Variants in CPQ observed in about 807,000 individuals in gnomAD.
CPQ encodes the protein carboxypeptidase Q, also known as Ser-Met dipeptidase.
A neutral mutation model predicts 45.7 loss-of-function variants in CPQ; 37 were observed. The ratio of observed to expected loss-of-function variants is 0.81; its 90% CI spans 0.62 to 1.07. The LOEUF is 1.07. CPQ is among the 50% of genes least tolerant of loss of function. The probability of loss-of-function intolerance (pLI) is 0.00; values close to 1 mark genes in which losing one functional copy is unlikely to be tolerated. For synonymous variants in CPQ, 186 were observed against 205.8 expected (o/e 0.90, Z 0.82); for missense variants, 537 against 572.9 (o/e 0.94, Z 0.64).
At chr8:96,645,743 C>G (rs1390138890) in intron 1 of CPQ, among the ~76,000 whole-genome samples, 1 of 151,954 alleles carries the variant, frequency 6.6e-6, no homozygotes, top group Non-Finnish European at 1.5e-5. Context: ...CTCCAGGGCT[C>G]AGCCCCAAGC....
chr8:96,720,619 C>T (rs56190969), intron 1 of CPQ, among the ~76,000 whole-genome samples: 40,383 of 151,926 alleles, frequency 0.27, 5,756 homozygotes, highest in East Asian at 0.59. Context: ...CTAGTTTAGT[C>T]TGTATTCATA....
chr8:96,709,542 C>G (rs146559736), intron 1 of CPQ, among the ~76,000 whole-genome samples: 1 of 152,168 alleles, frequency 6.6e-6, no homozygotes, highest in Non-Finnish European at 1.5e-5. Context: ...AATTTTGAAC[C>G]GTGCTGCGAT....
chr8:97,031,128 C>A (rs1036746239), intron 6 of CPQ, among the ~76,000 whole-genome samples: 2 of 151,386 alleles, frequency 1.3e-5, no homozygotes, highest in Admixed American at 6.6e-5. Context: ...TAAGAAGAAG[C>A]TCTAAAATTC....
Position 96,880,003 on chromosome 8 carries a change from C to T in CPQ, c.847C>T (p.Gln283Ter). 6.2e-7 allele frequency: 1 copy of T among 1,612,656 alleles called. No individual in the cohort carries two copies. The highest frequency in any genetic ancestry group is 8.5e-7 in the Non-Finnish European group (1 of 1,178,714). ...AEITGSKYPE[Q>*]VVLVSGHLDS... Reference sequence around the variant, plus strand: ...GATCACTGGGAGCAAATATCCAGAACAGGTGAGTGAAGGAGAAGGCTGGCC... The same window carrying T: ...GATCACTGGGAGCAAATATCCAGAATAGGTGAGTGAAGGAGAAGGCTGGCC... The change falls in exon 4 of 8, where the codon CAG becomes TAG. Residue 283 changes from glutamine to a stop codon, truncating the protein, a stop_gained and splice_region_variant. Coordinates refer to ENST00000220763, the MANE Select transcript of CPQ (RefSeq NM_016134.4). LOFTEE classifies it high-confidence loss of function.
chr8:96,776,568 A>G (rs1342434943), intron 1 of CPQ, among the ~76,000 whole-genome samples: 1 of 152,132 alleles, frequency 6.6e-6, no homozygotes, highest in African/African-American at 2.4e-5. Context: ...TTCGAATGAT[A>G]ATTTTTAGGA....
intron 7 of CPQ, among the ~76,000 whole-genome samples, chr8:97,123,024 T>A (rs865786340): frequency 0.068 from 1,777 of 26,308 alleles, 297 homozygotes; most frequent in East Asian, 0.28. Flanking sequence ...TAAAATAAAA[T>A]AAATAAAATA....
intron 1 of CPQ, among the ~76,000 whole-genome samples, chr8:96,686,517 T>C (rs1586358864): frequency 6.6e-6 from 1 of 152,050 alleles, no homozygotes; most frequent in South Asian, 2.1e-4. Flanking sequence ...TTTATTGTTA[T>C]ACATTATTCT....
chr8:96,697,877 T>G (rs942253481), intron 1 of CPQ, among the ~76,000 whole-genome samples: 1 of 152,086 alleles, frequency 6.6e-6, no homozygotes, highest in African/African-American at 2.4e-5. Flanking sequence ...TGGAAAGATA[T>G]TCCATGTCCA....
At chr8:96,728,884 A>G (rs936260687) in intron 1 of CPQ, among the ~76,000 whole-genome samples, 2 of 152,148 alleles carry the variant, frequency 1.3e-5, no homozygotes, top group African/African-American at 2.4e-5. Flanking sequence ...CATCCTGGCA[A>G]ATATGTGGTC....
intron 1 of CPQ, among the ~76,000 whole-genome samples, chr8:96,656,422 AC>A (rs1815638319): frequency 6.6e-6 from 1 of 152,036 alleles, no homozygotes; most frequent in Non-Finnish European, 1.5e-5. Context: ...GGGTGGTACT[AC>A]TTTTTTGGTT....
At chr8:96,925,694 C>CT (rs34617404) in intron 4 of CPQ, among the ~76,000 whole-genome samples, 11,594 of 122,918 alleles carry the variant, frequency 0.094, 904 homozygotes, top group African/African-American at 0.23. Context: ...GGCCTCTGCA[C>CT]TTTTTTTTTT....
intron 1 of CPQ, among the ~76,000 whole-genome samples, chr8:96,723,134 A>G (rs1298496275): frequency 1.3e-5 from 2 of 152,144 alleles, no homozygotes; most frequent in East Asian, 3.8e-4. Flanking sequence ...TTATGTTTTT[A>G]TTTTACAGAT....
chr8:96,740,765 T>A lies in CPQ; in HGVS notation c.-34-44099T>A, dbSNP rs547683141. ...GTTCTGTTTATATGCTGGATTACAT[T>A]TATAGATTTATGTATATTGAACCAG... On this transcript the variant is annotated intron_variant, in intron 1 of 7. Coordinates refer to ENST00000220763, the MANE Select transcript of CPQ (RefSeq NM_016134.4). Among the ~76,000 whole-genome samples, 5 of 152,314 alleles carry A rather than the reference T, an allele frequency of 3.3e-5. No individual in the cohort carries two copies. In the East Asian group the frequency reaches 9.6e-4, roughly 29 times the overall value.
chr8:96,861,292 A>G (rs1563515201), intron 3 of CPQ, among the ~76,000 whole-genome samples: 1 of 152,252 alleles, frequency 6.6e-6, no homozygotes, highest in African/African-American at 2.4e-5. Context: ...TTTGCTTTTT[A>G]CCAGTAATTT....
intron 2 of CPQ, among the ~76,000 whole-genome samples, chr8:96,798,838 T>G (rs1810968841): frequency 6.6e-6 from 1 of 152,098 alleles, no homozygotes; most frequent in Non-Finnish European, 1.5e-5. Context: ...CACATGGTTA[T>G]CTCCTCTGAA....
chr8:97,038,900 A>C (rs1019531830), intron 6 of CPQ, among the ~76,000 whole-genome samples: 1 of 151,754 alleles, frequency 6.6e-6, no homozygotes, highest in Non-Finnish European at 1.5e-5. Flanking sequence ...AACTGTTACA[A>C]GGCAGAAGTT....
chr8:96,916,274 A>G (rs191394443), intron 4 of CPQ, among the ~76,000 whole-genome samples: 90 of 152,286 alleles, frequency 5.9e-4, no homozygotes, highest in Non-Finnish European at 9.6e-4. Context: ...TGTCATGATG[A>G]TCTGAAGCAT....
chr8:96,907,288 G>A (rs1352475680), intron 4 of CPQ, among the ~76,000 whole-genome samples: 1 of 152,052 alleles, frequency 6.6e-6, no homozygotes, highest in African/African-American at 2.4e-5. Flanking sequence ...CTGTCACGTA[G>A]GACACTGCCA....
intron 4 of CPQ, among the ~76,000 whole-genome samples, chr8:96,883,154 C>T (rs946067831): frequency 1.3e-5 from 2 of 152,124 alleles, no homozygotes; most frequent in Non-Finnish European, 2.9e-5. Flanking sequence ...AGATATATGA[C>T]AATTCGTTTA....
Sources: gnomAD v4.1 joint callset for allele counts (sites outside exome capture counted in the v4.1 genomes callset) on GRCh38, gnomAD v4.1.1 for gene constraint, MANE v1.5 for transcripts, NCBI Gene and HGNC (gene_info 2026-07-23, HGNC 2026-07-21) for gene names.